Variants in SUGCT observed in about 807,000 individuals in gnomAD.
SUGCT encodes succinyl-CoA:glutarate-CoA transferase.
A neutral mutation model predicts 55.0 loss-of-function variants in SUGCT; 41 were observed. That is an observed-to-expected ratio of 0.74 (90% CI 0.58 to 0.97). The LOEUF (loss-of-function observed/expected upper bound fraction) is 0.97, where lower values mean the gene tolerates loss of function less well. Among genes scored for constraint, SUGCT ranks in the 50% least tolerant of loss-of-function variants. The pLI is 0.00. For missense variants in SUGCT, 568 were observed against 547.8 expected (o/e 1.04, Z -0.37); for synonymous variants, 187 against 200.4 (o/e 0.93, Z 0.56).
intron 13 of SUGCT, among the ~76,000 whole-genome samples, chr7:40,817,097 ATTT>A (rs1239346212): frequency 6.6e-6 from 1 of 152,214 alleles, no homozygotes; most frequent in African/African-American, 2.4e-5. Context: ...TTTTGATATA[ATTT>A]GAAGGCTGGA....
intron 13 of SUGCT, among the ~76,000 whole-genome samples, chr7:40,804,145 T>A (rs1399466580): frequency 2.0e-5 from 3 of 152,200 alleles, no homozygotes. Flanking sequence ...GTGTGTAAAC[T>A]TCTTCTTGCC....
chr7:40,670,387 C>T (rs1801879124), intron 12 of SUGCT, among the ~76,000 whole-genome samples: 1 of 151,722 alleles, frequency 6.6e-6, no homozygotes, highest in Non-Finnish European at 1.5e-5. Context: ...TATGAAAAGA[C>T]CAATAAAATT....
intron 12 of SUGCT, among the ~76,000 whole-genome samples, chr7:40,551,433 C>G (rs1012050614): frequency 1.3e-5 from 2 of 152,162 alleles, no homozygotes; most frequent in Admixed American, 6.5e-5. Context: ...AACTTTAAAA[C>G]ATCTTTAAGC....
At chr7:40,600,306 A>G (rs1361496096) in intron 12 of SUGCT, among the ~76,000 whole-genome samples, 3 of 152,194 alleles carry the variant, frequency 2.0e-5, no homozygotes, top group South Asian at 4.1e-4. Context: ...AAGTTACTTC[A>G]TGCAAGTCTC....
At chr7:40,387,672 C>T (rs151186186) in intron 9 of SUGCT, among the ~76,000 whole-genome samples, 81 of 152,128 alleles carry the variant, frequency 5.3e-4, no homozygotes, top group Admixed American at 1.4e-3. Flanking sequence ...AATGAGTTCT[C>T]CTCTGTTAAA....
intron 11 of SUGCT, among the ~76,000 whole-genome samples, chr7:40,463,683 A>G (rs995683241): frequency 2.6e-5 from 4 of 152,170 alleles, no homozygotes; most frequent in African/African-American, 9.7e-5. Context: ...CACAGCCAGC[A>G]CACACGATTC....
intron 12 of SUGCT, among the ~76,000 whole-genome samples, chr7:40,611,164 C>T (rs1798753012): frequency 6.6e-6 from 1 of 152,110 alleles, no homozygotes. Context: ...AGTAATATGT[C>T]TCCAGAATAA....
intron 12 of SUGCT, among the ~76,000 whole-genome samples, chr7:40,643,212 A>G (rs895108008): frequency 4.6e-5 from 7 of 152,156 alleles, no homozygotes; most frequent in Admixed American, 4.6e-4. Context: ...AAGAAATTAG[A>G]CTGGTATTAA....
intron 8 of SUGCT, among the ~76,000 whole-genome samples, chr7:40,279,126 T>C (rs1443765088): frequency 6.6e-6 from 1 of 151,982 alleles, no homozygotes; most frequent in Non-Finnish European, 1.5e-5. Context: ...TGTGAGCCAC[T>C]GCATCCAGCC....
intron 12 of SUGCT, among the ~76,000 whole-genome samples, chr7:40,556,407 T>C (rs1412125337): frequency 6.6e-6 from 1 of 152,214 alleles, no homozygotes; most frequent in African/African-American, 2.4e-5. Context: ...TTCAAACCCT[T>C]GTTTGGATTC....
chr7:40,157,061 G>A (rs979123066), intron 1 of SUGCT, among the ~76,000 whole-genome samples: 1 of 151,862 alleles, frequency 6.6e-6, no homozygotes, highest in Non-Finnish European at 1.5e-5. Context: ...CATGGTCAGG[G>A]CTTTCTGAGC....
intron 8 of SUGCT, among the ~76,000 whole-genome samples, chr7:40,303,564 A>G (rs979208273): frequency 2.0e-5 from 3 of 151,338 alleles, no homozygotes; most frequent in Non-Finnish European, 4.4e-5. Flanking sequence ...ACTCACTGCA[A>G]CCTTTGCCTC....
At chr7:40,255,429 G>T (rs1345640097) in intron 7 of SUGCT, among the ~76,000 whole-genome samples, 1 of 151,044 alleles carries the variant, frequency 6.6e-6, no homozygotes, top group Non-Finnish European at 1.5e-5. Context: ...TGGGAGGCCG[G>T]GGCCGGCTGT....
chr7:40,735,237 G>T (rs929450119), intron 12 of SUGCT, among the ~76,000 whole-genome samples: 1 of 152,202 alleles, frequency 6.6e-6, no homozygotes, highest in Non-Finnish European at 1.5e-5. Context: ...AAAGATGTAA[G>T]TCGGGACTTC....
intron 13 of SUGCT, among the ~76,000 whole-genome samples, chr7:40,776,715 C>T (rs1192143091): frequency 6.6e-6 from 1 of 152,154 alleles, no homozygotes; most frequent in East Asian, 1.9e-4. Context: ...CTCTCTTGCA[C>T]ATTAAAGGTG....
chr7:40,989,787 AAAAC>A, the SUGCT span, among the ~76,000 whole-genome samples: 1 of 152,100 alleles, frequency 6.6e-6, no homozygotes, highest in Non-Finnish European at 1.5e-5. Flanking sequence ...AACAAAACAA[AAAAC>A]AAAGAAGCAA....
At chr7:40,656,935 G>A (rs1008130179) in intron 12 of SUGCT, among the ~76,000 whole-genome samples, 2 of 152,214 alleles carry the variant, frequency 1.3e-5, no homozygotes, top group Non-Finnish European at 2.9e-5. Flanking sequence ...TGGTTACAGA[G>A]ATACACTGCT....
chr7:40,682,043 G>A (rs1278221617), intron 12 of SUGCT, among the ~76,000 whole-genome samples: 1 of 152,156 alleles, frequency 6.6e-6, no homozygotes, highest in African/African-American at 2.4e-5. Flanking sequence ...CTTGGCTGTT[G>A]TTTTAGACTA....
intron 1 of SUGCT, among the ~76,000 whole-genome samples, chr7:40,155,176 T>C (rs1384491216): frequency 6.6e-6 from 1 of 151,860 alleles, no homozygotes; most frequent in African/African-American, 2.4e-5. Context: ...TTCCAGCTAC[T>C]TGGGAGGCTG....
Sources: allele counts gnomAD v4.1 joint callset (sites outside exome capture counted in the v4.1 genomes callset), GRCh38; gene constraint gnomAD v4.1.1; transcripts MANE v1.5; gene names NCBI Gene and HGNC (gene_info 2026-07-23, HGNC 2026-07-21).